Variants in ZCCHC4 observed in about 807,000 individuals in gnomAD.
The protein encoded by ZCCHC4 is zinc finger CCHC-type containing 4.
Under a neutral mutation model 67.7 loss-of-function variants are expected in ZCCHC4, and 54 were observed. That is an observed-to-expected ratio of 0.80 (90% CI 0.64 to 1.00). The LOEUF (loss-of-function observed/expected upper bound fraction) is 1.00. Among genes scored for constraint, ZCCHC4 ranks in the 50% least tolerant of loss-of-function variants. ZCCHC4 has a pLI of 0.00. For missense variants in ZCCHC4, 609 were observed against 617.0 expected (o/e 0.99, Z 0.14); for synonymous variants, 198 against 213.5 (o/e 0.93, Z 0.63).
chr4:25,357,714 A>G lies in ZCCHC4; in HGVS notation c.1012-4145A>G, dbSNP rs575220517. ...AAGTTCTTTTGTATTCTTGTTTATT[A>G]TAGAAACAATTCAGTACATAACTTA... is the stretch of plus-strand genomic sequence containing the variant. On this transcript the variant is annotated intron_variant, in intron 8 of 12. Transcript: ENST00000302874. Among the ~76,000 whole-genome samples the G allele has an allele frequency of 3.9e-3, 588 of 152,316 alleles. 2 individuals carry two copies. Among genetic ancestry groups the G allele is most frequent in the Non-Finnish European group, 6.3e-3 (431 of 68,032 alleles).
At chr4:25,365,788 G>C in intron 12 of ZCCHC4, 1 of 985,324 alleles carries the variant, frequency 1.0e-6, no homozygotes, top group African/African-American at 1.7e-5. Flanking sequence ...ATTTAGAAGA[G>C]GCACTGCTTC....
chr4:25,313,050 C>T, intron 1 of ZCCHC4, 114 bp downstream of exon 1: 1 of 1,448,526 alleles, frequency 6.9e-7, no homozygotes, highest in Non-Finnish European at 9.3e-7. Context: ...CACCAGTGTG[C>T]TGCCTAGAAA....
At chr4:25,319,110 G>A (rs1718435231) in intron 3 of ZCCHC4, among the ~76,000 whole-genome samples, 1 of 152,190 alleles carries the variant, frequency 6.6e-6, no homozygotes, top group South Asian at 2.1e-4. Context: ...CTGGCCGGGT[G>A]CGGTGGCTCA....
At position 25,351,025 on chromosome 4, in the gene ZCCHC4, T is replaced by G. The variant is rs147578493; in HGVS notation, c.911-564T>G. Reference sequence around the variant, plus strand: ...ATTAAGGCTTTTCAGCCTATTGGAATTTTAGCTGTAATAGTGCTATAATGA... The same window carrying G: ...ATTAAGGCTTTTCAGCCTATTGGAAGTTTAGCTGTAATAGTGCTATAATGA... On this transcript the variant is annotated intron_variant, in intron 7 of 12. Transcript: ENST00000302874. 3.3e-3 allele frequency among the ~76,000 whole-genome samples: 502 copies of G among 152,328 alleles called. 1 individual carries two copies. The highest frequency in any genetic ancestry group is 0.011 in the African/African-American group (477 of 41,580).
chr4:25,325,199 T>G lies in ZCCHC4; in HGVS notation c.330-7984T>G, dbSNP rs978809472. Among the ~76,000 whole-genome samples the G allele has an allele frequency of 2.8e-3, 305 of 108,832 alleles. 9 individuals are homozygous for G. The highest frequency in any genetic ancestry group is 9.6e-3 in the African/African-American group (295 of 30,760). 71.4% of individuals were successfully genotyped at this position (108,832 alleles called of 152,430 possible). A position where few individuals can be genotyped will look rare whatever the true frequency, so the allele number is the denominator to read the frequency against. ...GCGGAGCCTGCAGTGAGCCGAGATC[T>G]CGCCACTGCACTCCAGCCTGGGCGA... On this transcript the variant is annotated intron_variant, in intron 3 of 12. Transcript: ENST00000302874.
intron 8 of ZCCHC4, among the ~76,000 whole-genome samples, chr4:25,355,773 G>A (rs1720491769): frequency 6.6e-6 from 1 of 152,202 alleles, no homozygotes; most frequent in Admixed American, 6.5e-5. Context: ...CATGTAGTGG[G>A]TTTGAAGTAA....
chr4:25,333,877 T>C, intron 4 of ZCCHC4, 31 bp from the exon 5 acceptor site: 1 of 1,425,330 alleles, frequency 7.0e-7, no homozygotes, highest in Non-Finnish European at 9.6e-7. Context: ...TTGTAATATC[T>C]TATTACATTT....
chr4:25,333,609 G>A (rs1358879736), intron 4 of ZCCHC4, 151 bp downstream of exon 4: 4 of 855,210 alleles, frequency 4.7e-6, no homozygotes, highest in Non-Finnish European at 7.1e-6. Context: ...TAAGGAGTTT[G>A]CAACCTGTAT....
intron 6 of ZCCHC4, among the ~76,000 whole-genome samples, chr4:25,348,733 A>G (rs1158777747): frequency 6.6e-6 from 1 of 152,164 alleles, no homozygotes; most frequent in Admixed American, 6.6e-5. Flanking sequence ...CCTGGAACCA[A>G]TCCCTCAGGG....
Position 25,314,047 on chromosome 4 carries a change from A to G in ZCCHC4, c.129A>G (p.Gly43=). Residue 43 remains glycine (G), a splice_region_variant and synonymous_variant, in exon 2 of 13, where the codon GGA becomes GGG. Transcript: ENST00000302874. Reference sequence around the variant, plus strand: ...TTTTTTTTTCTATTCTGGAACTAGGACCCACTCTTCTGTTTGTAAAGGTGA... The same window carrying G: ...TTTTTTTTTCTATTCTGGAACTAGGGCCCACTCTTCTGTTTGTAAAGGTGA... ...PAVPAPLCPH[G]PTLLFVKVTQ... is the part of the protein sequence containing the mutation. 1 of 1,524,036 alleles carries G rather than the reference A, an allele frequency of 6.6e-7. No individual in the cohort carries two copies. 94.4% of individuals were successfully genotyped at this position (1,524,036 alleles called of 1,614,324 possible). A position where few individuals can be genotyped will look rare whatever the true frequency, so the allele number is the denominator to read the frequency against.
intron 3 of ZCCHC4, among the ~76,000 whole-genome samples, chr4:25,320,859 G>A (rs1027007167): frequency 6.6e-6 from 1 of 152,188 alleles, no homozygotes; most frequent in African/African-American, 2.4e-5. Flanking sequence ...GTAAGTGGAG[G>A]TTCATTTTGC....
chr4:25,364,255 C>T (rs973675774), intron 10 of ZCCHC4, among the ~76,000 whole-genome samples, 199 bp from the exon 11 acceptor site: 35 of 151,948 alleles, frequency 2.3e-4, no homozygotes, highest in African/African-American at 6.8e-4. Context: ...AAATTGAGGC[C>T]CATCAAGGAG....
At chr4:25,328,025 G>GTTTGTGTTAGTAGAGA (rs1205408788) in intron 3 of ZCCHC4, among the ~76,000 whole-genome samples, 12 of 152,068 alleles carry the variant, frequency 7.9e-5, no homozygotes, top group African/African-American at 2.9e-4. Flanking sequence ...GTGTTCATAA[G>GTTTGTGTTAGTAGAGA]GCATGTTTGT....
chr4:25,366,028 G>T, intron 12 of ZCCHC4: 1 of 822,058 alleles, frequency 1.2e-6, no homozygotes, highest in Non-Finnish European at 1.4e-6. Context: ...TTCAGATTGG[G>T]CTACCATGTG....
intron 3 of ZCCHC4, among the ~76,000 whole-genome samples, chr4:25,328,426 GA>G (rs1242110807): frequency 3.3e-5 from 5 of 152,232 alleles, no homozygotes; most frequent in Non-Finnish European, 7.4e-5. Flanking sequence ...TTTTCGTAGA[GA>G]TGGGGTTTTG....
At position 25,369,812 on chromosome 4, in the gene ZCCHC4, A is replaced by C. The variant is rs1250002782; in HGVS notation, c.*648A>C. On this transcript the variant is annotated 3_prime_UTR_variant, in exon 13 of 13. Coordinates refer to ENST00000302874, the MANE Select transcript of ZCCHC4 (RefSeq NM_024936.3). Reference sequence around the variant, plus strand: ...GCAGAAGATGTCAGAAGAAAATGAAAGTGAAAACCTATGCAGTTTGTTTAC... The same window carrying C: ...GCAGAAGATGTCAGAAGAAAATGAACGTGAAAACCTATGCAGTTTGTTTAC... The C allele has an allele frequency of 6.6e-6, 1 of 152,240 alleles. No individual in the cohort carries two copies. The highest frequency in any genetic ancestry group is 1.5e-5 in the Non-Finnish European group (1 of 68,044). The allele number at this position is 152,240 out of a possible 1,614,324, so 9.4% of individuals were successfully genotyped here.
At chr4:25,316,797 A>T (rs1250466180) in intron 3 of ZCCHC4, among the ~76,000 whole-genome samples, 2 of 152,298 alleles carry the variant, frequency 1.3e-5, no homozygotes, top group Non-Finnish European at 2.9e-5. Flanking sequence ...TTTGAAACAC[A>T]AGAGTTTTAA....
chr4:25,357,476 T>C (rs566583119), intron 8 of ZCCHC4, among the ~76,000 whole-genome samples: 1 of 152,178 alleles, frequency 6.6e-6, no homozygotes. Context: ...CAGAAACCCT[T>C]AGGGGCTTTT....
intron 12 of ZCCHC4, among the ~76,000 whole-genome samples, chr4:25,367,481 A>C (rs1720994476): frequency 6.6e-6 from 1 of 152,222 alleles, no homozygotes; most frequent in African/African-American, 2.4e-5. Context: ...AGAGAAACTT[A>C]AATTTTGTGT....
Sources: gnomAD v4.1 joint callset for allele counts (sites outside exome capture counted in the v4.1 genomes callset) on GRCh38, gnomAD v4.1.1 for gene constraint, MANE v1.5 for transcripts, NCBI Gene and HGNC (gene_info 2026-07-23, HGNC 2026-07-21) for gene names.